ASB11: variants seen among roughly 807,000 people sequenced by gnomAD.
ASB11 encodes ankyrin repeat and SOCS box containing 11.
ASB11 carries 17 observed loss-of-function variants against 20.1 expected under a neutral mutation model. The observed-to-expected ratio is 0.85, with a 90% CI of 0.58 to 1.27. The LOEUF is 1.27. Ranked by LOEUF, ASB11 falls within the 50% of genes most tolerant of loss-of-function variation. ASB11 has a pLI of 0.00. For missense variants in ASB11, 259 were observed against 256.9 expected (o/e 1.01, Z -0.06); for synonymous variants, 107 against 105.6 (o/e 1.01, Z -0.08).
At position 15,313,117 on chromosome X, in the gene ASB11, G is replaced by A. The variant is rs185384174; in HGVS notation, c.181+2308C>T. 2.7e-4 allele frequency among the ~76,000 whole-genome samples: 30 copies of A among 111,666 alleles called. No homozygotes were observed. The South Asian group carries it at 6.7e-3, about 25-fold the overall frequency. ...ATTCTTATAGAAAGACTTATTTAGC[G>A]GCCAGGCACAGGTGCTCACACCTAT... On this transcript the variant is annotated intron_variant, in intron 1 of 6. Transcript: ENST00000480796.
At chrX:15,309,073 C>T (rs746792409) in intron 1 of ASB11, among the ~76,000 whole-genome samples, 44 of 111,384 alleles carry the variant, frequency 4.0e-4, no homozygotes, top group Non-Finnish European at 7.4e-4. Flanking sequence ...CACATCACCA[C>T]TCCCAGCTAA....
chrX:15,289,767 T>A, intron 4 of ASB11, 129 bp from the exon 5 acceptor site: 1 of 759,643 alleles, frequency 1.3e-6, no homozygotes, highest in Non-Finnish European at 1.9e-6. Flanking sequence ...CTCACGCCTG[T>A]AATCTCAGCT....
chrX:15,306,594 T>C (rs1484034176), intron 1 of ASB11, among the ~76,000 whole-genome samples: 1 of 109,710 alleles, frequency 9.1e-6, no homozygotes, highest in African/African-American at 3.3e-5. Context: ...TCCCAGCTAC[T>C]TGGGAGGCTG....
At chrX:15,296,654 C>T (rs1194050684) in intron 3 of ASB11, among the ~76,000 whole-genome samples, 1 of 111,765 alleles carries the variant, frequency 8.9e-6, no homozygotes, top group East Asian at 2.8e-4. Context: ...ATTAAAAGCT[C>T]GCTCATTTTG....
At position 15,315,548 on chromosome X, in the gene ASB11, T is replaced by C; in HGVS notation, c.58A>G (p.Thr20Ala). The C allele has an allele frequency of 1.7e-6, 2 of 1,191,204 alleles. No individual in the cohort carries two copies. The highest frequency in any genetic ancestry group is 2.3e-6 in the Non-Finnish European group (2 of 886,997). ...FKNIFITMFA[T>A]FFFFKLLIKV... ...ATTAAAAGCTTAAAGAAAAAAAACG[T>C]AGCAAACATTGTAATAAAAATGTTT... Residue 20 changes from threonine to alanine, a missense_variant, in exon 1 of 7, where the codon ACG (threonine) becomes GCG (alanine). Thr to Ala is a moderately conservative substitution (Grantham distance 58). Coordinates refer to ENST00000480796, the MANE Select transcript of ASB11 (RefSeq NM_080873.3).
At chrX:15,294,172 C>T (rs1458743574) in intron 3 of ASB11, among the ~76,000 whole-genome samples, 1 of 112,011 alleles carries the variant, frequency 8.9e-6, no homozygotes, top group Non-Finnish European at 1.9e-5. Context: ...GGCTGGGAGA[C>T]ATCTTTGTGT....
At chrX:15,288,741 C>T (rs1927453661) in intron 5 of ASB11, among the ~76,000 whole-genome samples, 1 of 110,210 alleles carries the variant, frequency 9.1e-6, no homozygotes, top group Admixed American at 9.8e-5. Flanking sequence ...ATAAATTAGC[C>T]GGGTGTAGTG....
chrX:15,293,205 T>C lies in ASB11; in HGVS notation c.485A>G (p.His162Arg). 1 of 1,211,591 alleles carries C rather than the reference T, an allele frequency of 8.3e-7. No homozygotes were observed. The stretch of plus-strand genomic sequence containing the variant: ...TGCCTCATGGATGGGCGAGGCCAGG[T>C]GCACCTCCAACTGGGCCTTGGCTCC... ...EFGAKAQLEV[H>R]LASPIHEAVK... Residue 162 changes from histidine to arginine, a missense_variant, in exon 4 of 7, where the codon CAC (histidine) becomes CGC (arginine). Coordinates refer to ENST00000480796, the MANE Select transcript of ASB11 (RefSeq NM_080873.3).
At chrX:15,302,946 C>G in intron 1 of ASB11, 139 bp from the exon 2 acceptor site, 1 of 500,930 alleles carries the variant, frequency 2.0e-6, no homozygotes, top group Non-Finnish European at 3.4e-6. Flanking sequence ...ATCAGGCTCT[C>G]TCGTCAGCCA....
Position 15,283,297 on chromosome X carries a change from G to T in ASB11, c.*208C>A. 1.0e-5 allele frequency: 4 copies of T among 395,559 alleles called. No homozygotes were observed. Among genetic ancestry groups the T allele is most frequent in the Non-Finnish European group, 1.7e-5 (4 of 235,626 alleles). 32.6% of individuals were successfully genotyped at this position (395,559 alleles called of 1,213,427 possible). On this transcript the variant is annotated 3_prime_UTR_variant, in exon 7 of 7. Transcript: ENST00000480796. Reference sequence around the variant, plus strand: ...TAACAACAAGAGCTAAAAGCTAAATGGTTTCTACTTGCCCCTTGGTTAATG... The same window carrying T: ...TAACAACAAGAGCTAAAAGCTAAATTGTTTCTACTTGCCCCTTGGTTAATG...
intron 1 of ASB11, among the ~76,000 whole-genome samples, chrX:15,308,834 C>T (rs1404596703): frequency 1.3e-4 from 14 of 111,831 alleles, no homozygotes; most frequent in African/African-American, 4.6e-4. Context: ...TCAGGGGTCC[C>T]TAACCCCTGG....
chrX:15,311,633 A>C lies in ASB11; in HGVS notation c.181+3792T>G, dbSNP rs910116085. On this transcript the variant is annotated intron_variant, in intron 1 of 6. Coordinates refer to ENST00000480796, the MANE Select transcript of ASB11 (RefSeq NM_080873.3). The stretch of plus-strand genomic sequence containing the variant: ...AAGCATAAAACTTAGAATAGGACTG[A>C]TCTTTTAGACACAGCTTAAAATAGC... Among the ~76,000 whole-genome samples, 5 of 111,382 alleles carry C rather than the reference A, an allele frequency of 4.5e-5. No individual in the cohort carries two copies. In the Admixed American group the frequency reaches 4.8e-4, roughly 11 times the overall value.
intron 3 of ASB11, among the ~76,000 whole-genome samples, chrX:15,295,306 G>A (rs1241864216): frequency 8.9e-6 from 1 of 111,911 alleles, no homozygotes; most frequent in African/African-American, 3.3e-5. Context: ...CTCCCAAAGT[G>A]CTGGGATTAC....
chrX:15,299,942 G>T (rs1211693861), intron 2 of ASB11, among the ~76,000 whole-genome samples: 3 of 111,150 alleles, frequency 2.7e-5, no homozygotes, highest in African/African-American at 9.8e-5. Context: ...CAGCAGCTGT[G>T]ATTTCCCAGA....
chrX:15,305,764 T>C (rs757637373), intron 1 of ASB11, among the ~76,000 whole-genome samples: 24 of 110,884 alleles, frequency 2.2e-4, no homozygotes, highest in Non-Finnish European at 4.1e-4. Context: ...AATTTTATGT[T>C]TTTTGACTTT....
At position 15,284,333 on chromosome X, in the gene ASB11, G is replaced by A. The variant is rs73635075; in HGVS notation, c.848-704C>T. ...AAATGCAAATGGAAGGACTGAACAC[G>A]CAGGACTCCAAGACACAGCCACAGA... is the stretch of plus-strand genomic sequence containing the variant. On this transcript the variant is annotated intron_variant, in intron 6 of 6. Coordinates refer to ENST00000480796, the MANE Select transcript of ASB11 (RefSeq NM_080873.3). 5.3e-3 allele frequency among the ~76,000 whole-genome samples: 581 copies of A among 109,851 alleles called. 4 individuals carry two copies. The highest frequency in any genetic ancestry group is 0.019 in the African/African-American group (568 of 30,090).
chrX:15,285,049 TC>T (rs1927337808), intron 6 of ASB11, among the ~76,000 whole-genome samples: 1 of 110,159 alleles, frequency 9.1e-6, no homozygotes, highest in African/African-American at 3.3e-5. Context: ...CTACTTAACC[TC>T]CTCTGCAAAA....
intron 1 of ASB11, among the ~76,000 whole-genome samples, chrX:15,312,521 A>G (rs1215331628): frequency 9.2e-6 from 1 of 108,714 alleles, no homozygotes; most frequent in Non-Finnish European, 1.9e-5. Context: ...AAAAAAAAAA[A>G]AAAAGAGTGC....
chrX:15,313,354 G>A lies in ASB11; in HGVS notation c.181+2071C>T, dbSNP rs191817813. Among the ~76,000 whole-genome samples the A allele has an allele frequency of 6.3e-5, 7 of 110,602 alleles. No homozygotes were observed. The East Asian group carries it at 2.0e-3, about 31-fold the overall frequency. ...GAGGAGGTTGCACTGAGCTAAGATC[G>A]TGCCACTGAACTCCAGCCTGGGTGA... On this transcript the variant is annotated intron_variant, in intron 1 of 6. Coordinates refer to ENST00000480796, the MANE Select transcript of ASB11 (RefSeq NM_080873.3).
Sources: gnomAD v4.1 joint callset for allele counts (sites outside exome capture counted in the v4.1 genomes callset) on GRCh38, gnomAD v4.1.1 for gene constraint, MANE v1.5 for transcripts, NCBI Gene and HGNC (gene_info 2026-07-23, HGNC 2026-07-21) for gene names.